Variants in TNXB observed in about 807,000 individuals in gnomAD.
TNXB encodes tenascin XB.
TNXB carries 183 observed loss-of-function variants against 340.5 expected under a neutral mutation model. The observed-to-expected ratio is 0.54, with a 90% confidence interval of 0.48 to 0.61. TNXB has a LOEUF of 0.61. Ranked by LOEUF, TNXB falls within the 20% of genes least tolerant of loss-of-function variation. The pLI, the probability that TNXB is intolerant of heterozygous loss-of-function variation, is 0.00. For missense variants in TNXB, 4,613 were observed against 5,446.4 expected (o/e 0.85, Z 4.82); for synonymous variants, 2,121 against 2,314.5 (o/e 0.92, Z 2.40).
At chr6:32,106,060 G>C (rs1780960052) in intron 1 of TNXB, among the ~76,000 whole-genome samples, 1 of 142,414 alleles carries the variant, frequency 7.0e-6, no homozygotes, top group South Asian at 2.3e-4. Context: ...TTTGAGGAGA[G>C]GCAACATTAA....
At position 32,082,390 on chromosome 6, in the gene TNXB, CCA is replaced by C; in HGVS notation, c.3446-66_3446-65del. 2 of 1,475,646 alleles carry C rather than the reference CCA, an allele frequency of 1.4e-6. No homozygotes were observed. Among genetic ancestry groups the C allele is most frequent in the Non-Finnish European group, 1.8e-6 (2 of 1,091,926 alleles). 91.4% of individuals were successfully genotyped at this position (1,475,646 alleles called of 1,614,324 possible). On this transcript the variant is annotated intron_variant, in intron 8 of 43. Transcript: ENST00000644971. The surrounding 1 kb of genome is among the most constrained non-coding windows in gnomAD (Gnocchi z 5.0). ...CCAAGGAGAATGGGGAAGCCAAATC[CCA>C]CATAGGAATGCTGTGTGAGGCTGTG...
chr6:32,055,983 C>A lies in TNXB; in HGVS notation c.8335G>T (p.Val2779Leu). Residue 2779 changes from valine to leucine, a missense_variant, in exon 24 of 44, where the codon GTG (valine) becomes TTG (leucine). Transcript: ENST00000644971. ...QYKDRDGRPQ[V>L]MRVRGEESEV... ...CTCTCCTCGCCCCTGACACGCATCA[C>A]CTGGGGCCGCCCGTCCCTGTCCTTG... 6.2e-7 allele frequency: 1 copy of A among 1,613,410 alleles called. No individual in the cohort carries two copies. Among genetic ancestry groups the A allele is most frequent in the Non-Finnish European group, 8.5e-7 (1 of 1,179,886 alleles).
Position 32,064,840 on chromosome 6 carries a change from C to T in TNXB, c.6822G>A (p.Val2274=). The change falls in exon 19 of 44, where the codon GTG becomes GTA. Residue 2274 remains valine, a synonymous_variant. Coordinates refer to ENST00000644971, the MANE Select transcript of TNXB (RefSeq NM_001365276.2). This position sits in a 1 kb window ranked among gnomAD's most constrained non-coding sequence, Gnocchi z 5.3. The part of the protein sequence containing the change: ...GFHGGQRVGP[V]SAVGLTAPGK... The stretch of plus-strand genomic sequence containing the variant: ...ACTCACCAGTTAAACCAACAGCAGA[C>T]ACGGGGCCCACGCGCTGGCCACCGT... The T allele has an allele frequency of 6.2e-7, 1 of 1,610,620 alleles. No individual in the cohort carries two copies. The highest frequency in any genetic ancestry group is 8.5e-7 in the Non-Finnish European group (1 of 1,179,224).
At position 32,049,661 on chromosome 6, in the gene TNXB, G is replaced by A. The variant is rs1255262196; in HGVS notation, c.9440-74C>T. On this transcript the variant is annotated intron_variant, in intron 27 of 43. Transcript: ENST00000644971. The surrounding 1 kb of genome is among the most constrained non-coding windows in gnomAD (Gnocchi z 4.5). ...CTGGGGAAAAGGAGGGAGAAGCCAAGGCTATGACTGGGGGACCTGAGGTCA... is the reference window on the plus strand; with the variant it reads ...CTGGGGAAAAGGAGGGAGAAGCCAAAGCTATGACTGGGGGACCTGAGGTCA... The A allele has an allele frequency of 6.7e-7, 1 of 1,501,156 alleles. No individual in the cohort carries two copies. The highest frequency in any genetic ancestry group is 2.0e-5 in the Admixed American group (1 of 49,740). 93.0% of individuals were successfully genotyped at this position (1,501,156 alleles called of 1,614,324 possible).
chr6:32,067,275 AG>A lies in TNXB; in HGVS notation c.6544+385del, dbSNP rs1778430634. On this transcript the variant is annotated intron_variant, in intron 18 of 43. Coordinates refer to ENST00000644971, the MANE Select transcript of TNXB (RefSeq NM_001365276.2). The surrounding 1 kb of genome is among the most constrained non-coding windows in gnomAD (Gnocchi z 4.2). Reference sequence around the variant, plus strand: ...CGATATTTGATTGAAGGAGGATGGCAGGGTCTTTGTACTATTCTTTCTGTTT... The same window carrying A: ...CGATATTTGATTGAAGGAGGATGGCAGGTCTTTGTACTATTCTTTCTGTTT... Among the ~76,000 whole-genome samples, 1 of 152,224 alleles carries A rather than the reference AG, an allele frequency of 6.6e-6. No individual in the cohort carries two copies. The highest frequency in any genetic ancestry group is 1.5e-5 in the Non-Finnish European group (1 of 68,032).
Position 32,096,616 on chromosome 6 carries a change from G to A in TNXB, c.1237C>T (p.Arg413Cys), listed in dbSNP as rs771629935. ...CACACGCAGCGGCCGTCCTCGCAGCGGCCCCTTTGGTTGCAGTCGCCAGGG... is the reference window on the plus strand; with the variant it reads ...CACACGCAGCGGCCGTCCTCGCAGCAGCCCCTTTGGTTGCAGTCGCCAGGG... ...SCPGDCNQRG[R>C]CEDGRCVCWP... The change falls in exon 3 of 44, where the codon CGC (arginine) becomes TGC (cysteine). Residue 413 changes from arginine (R) to cysteine (C), a missense_variant. Around this residue, in one of 7 missense-constraint regions of TNXB, gnomAD observed 4,327 missense variants for 4,859.4 expected, o/e 0.89. Transcript: ENST00000644971. 32 of 1,562,234 alleles carry A rather than the reference G, an allele frequency of 2.0e-5. No individual in the cohort carries two copies. The highest frequency in any genetic ancestry group is 2.7e-5 in the African/African-American group (2 of 73,494).
At chr6:32,100,464 G>C (rs926738010) in intron 1 of TNXB, among the ~76,000 whole-genome samples, 1 of 152,084 alleles carries the variant, frequency 6.6e-6, no homozygotes, top group South Asian at 2.1e-4. Context: ...GCAGTGGCTC[G>C]TATCTGTAAT....
intron 11 of TNXB, among the ~76,000 whole-genome samples, chr6:32,078,321 A>C (rs1326198412): frequency 6.7e-6 from 1 of 150,090 alleles, no homozygotes; most frequent in Non-Finnish European, 1.5e-5. Context: ...GGTGGCACGC[A>C]TCTGTAGTCC....
chr6:32,050,031 G>A lies in TNXB; in HGVS notation c.9406C>T (p.Arg3136Cys), dbSNP rs1272752898. 7 of 1,613,804 alleles carry A rather than the reference G, an allele frequency of 4.3e-6. No homozygotes were observed. Among genetic ancestry groups the A allele is most frequent in the East Asian group, 4.5e-5 (2 of 44,880 alleles). Residue 3136 changes from arginine to cysteine, a missense_variant, in exon 27 of 44, where the codon CGC becomes TGC. Physicochemically the swap from Arg to Cys is radical, Grantham distance 180. Transcript: ENST00000644971. ...CCAATGGCAGACACAGGGCCTACGC[G>A]CTGGCCACCGTGGAAGCCGTACAGG... ...MNLYGFHGGQRVGPVSAIGVT... is the reference protein window; with the variant it reads ...MNLYGFHGGQCVGPVSAIGVT...
chr6:32,105,499 G>T (rs1780934576), intron 1 of TNXB, among the ~76,000 whole-genome samples: 7 of 151,968 alleles, frequency 4.6e-5, no homozygotes, highest in Admixed American at 4.6e-4. Context: ...TTTCTTGGCT[G>T]CTGTATCCCT....
In TNXB at chr6:32,081,703, G is replaced by A. The variant is rs1197346726; in HGVS notation, c.3737-30C>T. ...AAACAAGGAGATCCAGCCAGGTGCT[G>A]AACTGGCAGCCTGGGACTGGGGCTT... On this transcript the variant is annotated intron_variant, in intron 9 of 43. Coordinates refer to ENST00000644971, the MANE Select transcript of TNXB (RefSeq NM_001365276.2). This position sits in a 1 kb window ranked among gnomAD's most constrained non-coding sequence, Gnocchi z 5.1. The A allele has an allele frequency of 6.5e-7, 1 of 1,527,086 alleles. No homozygotes were observed. The highest frequency in any genetic ancestry group is 8.8e-7 in the Non-Finnish European group (1 of 1,130,718). 94.6% of individuals were successfully genotyped at this position (1,527,086 alleles called of 1,614,324 possible). A position where few individuals can be genotyped will look rare whatever the true frequency, so the allele number is the denominator to read the frequency against.
chr6:32,056,506 A>T, intron 23 of TNXB, 80 bp downstream of exon 23: 3 of 1,557,300 alleles, frequency 1.9e-6, no homozygotes, highest in African/African-American at 2.7e-5. Context: ...CCCCTGGCCC[A>T]TTCCCCACCA....
At chr6:32,050,380 G>C (rs1373834129) in intron 26 of TNXB, 59 bp from the exon 27 acceptor site, 1 of 1,585,358 alleles carries the variant, frequency 6.3e-7, no homozygotes, top group Non-Finnish European at 8.6e-7. Flanking sequence ...GCATAGAAAG[G>C]ATGTGTCACA....
At chr6:32,076,628 G>A (rs145267798) in intron 11 of TNXB, among the ~76,000 whole-genome samples, 185 of 152,312 alleles carry the variant, frequency 1.2e-3, no homozygotes, top group African/African-American at 3.8e-3. Flanking sequence ...GCTGGGCAGC[G>A]TTTACTCCCT....
At chr6:32,101,725 C>T (rs1396702067) in intron 1 of TNXB, among the ~76,000 whole-genome samples, 1 of 151,868 alleles carries the variant, frequency 6.6e-6, no homozygotes, top group Non-Finnish European at 1.5e-5. Flanking sequence ...CACACCCACC[C>T]TATTTCATTT....
In TNXB at chr6:32,070,071, G is replaced by T; in HGVS notation, c.5278+56C>A. ...GTAATGGCAGCCACCACAAGTGACC[G>T]TCTGCTGCTTGGCCTGAGGGGAGCA... On this transcript the variant is annotated intron_variant, in intron 14 of 43. Coordinates refer to ENST00000644971, the MANE Select transcript of TNXB (RefSeq NM_001365276.2). This position sits in a 1 kb window ranked among gnomAD's most constrained non-coding sequence, Gnocchi z 6.0. The T allele has an allele frequency of 6.7e-7, 1 of 1,481,682 alleles. No individual in the cohort carries two copies. Among genetic ancestry groups the T allele is most frequent in the Non-Finnish European group, 8.9e-7 (1 of 1,120,962 alleles). 91.8% of individuals were successfully genotyped at this position (1,481,682 alleles called of 1,614,324 possible).
chr6:32,073,686 C>T lies in TNXB; in HGVS notation c.4642G>A (p.Gly1548Arg). The T allele has an allele frequency of 6.2e-7, 1 of 1,609,856 alleles. No homozygotes were observed. The highest frequency in any genetic ancestry group is 8.5e-7 in the Non-Finnish European group (1 of 1,178,686). Reference sequence around the variant, plus strand: ...ACAGACAGGGGGCCCATGCGTTGCCCATCATGTAGTCCATACATGTTCATC... The same window carrying T: ...ACAGACAGGGGGCCCATGCGTTGCCTATCATGTAGTCCATACATGTTCATC... ...YKMNMYGLHD[G>R]QRMGPLSVVI... Residue 1548 changes from glycine (G) to arginine (R), a missense_variant, in exon 12 of 44, where the codon GGG becomes AGG. Transcript: ENST00000644971. This position sits in a 1 kb window ranked among gnomAD's most constrained non-coding sequence, Gnocchi z 4.6.
chr6:32,041,792 G>A lies in TNXB; in HGVS notation c.12612C>T (p.Tyr4204=), dbSNP rs757889025. 102 of 975,708 alleles carry A rather than the reference G, an allele frequency of 1.0e-4. No homozygotes were observed. In the East Asian group the frequency reaches 1.7e-3, roughly 16 times the overall value. 60.4% of individuals were successfully genotyped at this position (975,708 alleles called of 1,614,324 possible). A position where few individuals can be genotyped will look rare whatever the true frequency, so the allele number is the denominator to read the frequency against. ...TCACCTGATGGTCCACTGTGCTCCCGTAGAGCCCGTTGAGGTTGGCGTAGT... is the reference window on the plus strand; with the variant it reads ...TCACCTGATGGTCCACTGTGCTCCCATAGAGCCCGTTGAGGTTGGCGTAGT... ...NCHYANLNGL[Y]GSTVDHQGVS... is the part of the protein sequence containing the mutation. Residue 4204 remains tyrosine (Y), a synonymous_variant, in exon 43 of 44, where the codon TAC becomes TAT. Coordinates refer to ENST00000644971, the MANE Select transcript of TNXB (RefSeq NM_001365276.2).
At chr6:32,042,424 A>G in intron 40 of TNXB, 31 bp downstream of exon 40, 1 of 1,607,602 alleles carries the variant, frequency 6.2e-7, no homozygotes, top group Non-Finnish European at 8.5e-7. Flanking sequence ...CCTGCCCTGC[A>G]CAGACCCCTG....
Sources: gnomAD v4.1 joint callset for allele counts (sites outside exome capture counted in the v4.1 genomes callset) on GRCh38, gnomAD v4.1.1 for gene constraint, gnomAD v4.1.1 regional missense constraint, Gnocchi (gnomAD v3.1) non-coding constraint, MANE v1.5 for transcripts, NCBI Gene and HGNC (gene_info 2026-07-23, HGNC 2026-07-21) for gene names.